Variants in ZNF385D observed in about 807,000 individuals in gnomAD.
ZNF385D encodes zinc finger protein 659.
Under a neutral mutation model 35.8 loss-of-function variants are expected in ZNF385D, and 15 were observed. The observed-to-expected ratio is 0.42, with a 90% CI of 0.28 to 0.64. The LOEUF (loss-of-function observed/expected upper bound fraction) is 0.64. ZNF385D is among the 30% of genes least tolerant of loss of function. ZNF385D has a pLI of 0.23. For missense variants in ZNF385D, 474 were observed against 494.6 expected, an observed-to-expected ratio of 0.96 and a Z score of 0.39; for synonymous variants, 212 against 186.8, an observed-to-expected ratio of 1.13 and a Z score of -1.10.
intron 3 of ZNF385D, among the ~76,000 whole-genome samples, chr3:22,077,288 G>A (rs1304085350): frequency 6.6e-6 from 1 of 151,786 alleles, no homozygotes; most frequent in Non-Finnish European, 1.5e-5. Context: ...ACAGAATTTT[G>A]GTTAAATTCT....
At chr3:22,007,450 C>T (rs1475762698) in intron 3 of ZNF385D, among the ~76,000 whole-genome samples, 1 of 152,036 alleles carries the variant, frequency 6.6e-6, no homozygotes, top group East Asian at 1.9e-4. Flanking sequence ...GGATGAATAA[C>T]CTTGTGTATA....
chr3:21,678,223 G>A (rs568163969), intron 1 of ZNF385D, among the ~76,000 whole-genome samples: 46 of 152,200 alleles, frequency 3.0e-4, no homozygotes, highest in Non-Finnish European at 5.4e-4. Context: ...AATCCAGTGA[G>A]AGGACTAAGA....
At chr3:22,125,768 T>C (rs1209547807) in intron 3 of ZNF385D, among the ~76,000 whole-genome samples, 1 of 152,162 alleles carries the variant, frequency 6.6e-6, no homozygotes, top group Non-Finnish European at 1.5e-5. Context: ...ATGTTGATTT[T>C]GTATCCTGCA....
chr3:22,285,931 A>C (rs1701999642), intron 2 of ZNF385D, among the ~76,000 whole-genome samples: 1 of 152,124 alleles, frequency 6.6e-6, no homozygotes, highest in Non-Finnish European at 1.5e-5. Flanking sequence ...AGCAGTAGTT[A>C]CATATAAATT....
chr3:22,272,489 T>C lies in ZNF385D; in HGVS notation c.106+99961A>G, dbSNP rs370624687. On this transcript the variant is annotated intron_variant, in intron 2 of 5. Coordinates refer to the ZNF385D transcript ENST00000494108. The stretch of plus-strand genomic sequence containing the variant: ...TTAATCGTTTAATTACCTTTGCTGA[T>C]GTCCCTGCAGAAGTGCATTCACTGA... Among the ~76,000 whole-genome samples, 48 of 152,184 alleles carry C rather than the reference T, an allele frequency of 3.2e-4. 1 individual carries two copies. The highest frequency in any genetic ancestry group is 1.1e-3 in the African/African-American group (47 of 41,566).
chr3:22,095,201 A>G lies in ZNF385D; in HGVS notation c.325+73616T>C, dbSNP rs1436240847. 2.7e-5 allele frequency among the ~76,000 whole-genome samples: 4 copies of G among 147,828 alleles called. No homozygotes were observed. The Admixed American group carries it at 2.8e-4, about 10-fold the overall frequency. ...CTTGGTCTCCCAAAGCACTGTGATT[A>G]CAGGTGTGAACGATAGCACCTGGTC... is the stretch of plus-strand genomic sequence containing the variant. On this transcript the variant is annotated intron_variant, in intron 3 of 5. Transcript: ENST00000494108.
chr3:22,327,632 A>G (rs1042736166), intron 2 of ZNF385D, among the ~76,000 whole-genome samples: 2 of 152,172 alleles, frequency 1.3e-5, no homozygotes, highest in Non-Finnish European at 2.9e-5. Context: ...CTAAACTGTA[A>G]TCTCTACAGA....
chr3:21,780,628 A>T (rs2071453646), intron 3 of ZNF385D, among the ~76,000 whole-genome samples: 1 of 152,094 alleles, frequency 6.6e-6, no homozygotes, highest in African/African-American at 2.4e-5. Flanking sequence ...TCACATATGG[A>T]AGTGCTACTA....
intron 3 of ZNF385D, among the ~76,000 whole-genome samples, chr3:21,520,990 G>T (rs1417254650): frequency 6.6e-6 from 1 of 152,092 alleles, no homozygotes; most frequent in Non-Finnish European, 1.5e-5. Flanking sequence ...AACACCTTAG[G>T]GGAAAAGACT....
intron 3 of ZNF385D, among the ~76,000 whole-genome samples, chr3:21,530,868 A>C (rs1293449723): frequency 6.6e-6 from 1 of 152,198 alleles, no homozygotes; most frequent in Non-Finnish European, 1.5e-5. Flanking sequence ...CAGAAAAAAC[A>C]ATCCGTGTTT....
chr3:21,585,610 TCCAG>T (rs2063786781), intron 2 of ZNF385D, among the ~76,000 whole-genome samples: 1 of 152,184 alleles, frequency 6.6e-6, no homozygotes, highest in Non-Finnish European at 1.5e-5. Context: ...CCTACGCACC[TCCAG>T]GATAGTGATG....
intron 4 of ZNF385D, among the ~76,000 whole-genome samples, chr3:21,468,945 A>G (rs986150782): frequency 2.0e-5 from 3 of 152,152 alleles, no homozygotes; most frequent in Non-Finnish European, 4.4e-5. Context: ...AAGAATACAT[A>G]GTATGATTCC....
intron 2 of ZNF385D, among the ~76,000 whole-genome samples, chr3:21,649,590 G>A (rs1230126019): frequency 6.6e-6 from 1 of 152,134 alleles, no homozygotes; most frequent in Non-Finnish European, 1.5e-5. Context: ...TTCAGACCCA[G>A]AAGATATTTA....
At chr3:22,082,880 C>A (rs1372727896) in intron 3 of ZNF385D, among the ~76,000 whole-genome samples, 1 of 152,194 alleles carries the variant, frequency 6.6e-6, no homozygotes, top group East Asian at 1.9e-4. Context: ...GCAATATTTG[C>A]TGTTCTACAA....
intron 3 of ZNF385D, among the ~76,000 whole-genome samples, chr3:22,131,420 T>C (rs555805768): frequency 1.3e-5 from 2 of 152,012 alleles, no homozygotes; most frequent in Non-Finnish European, 2.9e-5. Context: ...TGTTTTTCTA[T>C]AAGGGGAAAA....
intron 2 of ZNF385D, among the ~76,000 whole-genome samples, chr3:22,226,457 G>C (rs1178466095): frequency 1.3e-5 from 2 of 152,146 alleles, no homozygotes; most frequent in African/African-American, 2.4e-5. Flanking sequence ...ATACAACTTT[G>C]ACAAGTTGTC....
chr3:21,927,973 C>T (rs905644951), intron 3 of ZNF385D, among the ~76,000 whole-genome samples: 1 of 151,990 alleles, frequency 6.6e-6, no homozygotes, highest in African/African-American at 2.4e-5. Flanking sequence ...CCTGAAATCC[C>T]AATATTTTGG....
chr3:22,340,676 C>T (rs1695382277), intron 2 of ZNF385D, among the ~76,000 whole-genome samples: 1 of 152,022 alleles, frequency 6.6e-6, no homozygotes, highest in Non-Finnish European at 1.5e-5. Context: ...GTGAATAGGA[C>T]ATAAGACATA....
At chr3:22,050,462 A>T (rs1417713780) in intron 3 of ZNF385D, among the ~76,000 whole-genome samples, 1 of 152,214 alleles carries the variant, frequency 6.6e-6, no homozygotes, top group African/African-American at 2.4e-5. Context: ...CTGTAAAATC[A>T]TCAGATCCTG....
Sources: allele counts gnomAD v4.1 joint callset (sites outside exome capture counted in the v4.1 genomes callset), GRCh38; gene constraint gnomAD v4.1.1; transcripts MANE v1.5; gene names NCBI Gene and HGNC (gene_info 2026-07-23, HGNC 2026-07-21).